SIK3: variants seen among roughly 807,000 people sequenced by gnomAD.
The protein encoded by SIK3 is SIK family kinase 3.
SIK3 carries 28 observed loss-of-function variants against 144.2 expected under a neutral mutation model. That is an observed-to-expected ratio of 0.19 (90% CI 0.14 to 0.27). The LOEUF (loss-of-function observed/expected upper bound fraction) is 0.27. Ranked by LOEUF, SIK3 falls within the 10% of genes least tolerant of loss-of-function variation. SIK3 has a pLI of 1.00. For synonymous variants in SIK3, 686 were observed against 676.3 expected, an observed-to-expected ratio of 1.01 and a Z score of -0.22; for missense variants, 1,319 against 1,776.0, an observed-to-expected ratio of 0.74 and a Z score of 4.62.
chr11:116,925,675 T>A (rs1947237485), intron 4 of SIK3, among the ~76,000 whole-genome samples: 1 of 152,230 alleles, frequency 6.6e-6, no homozygotes, highest in African/African-American at 2.4e-5. Context: ...TGAAGTTTAG[T>A]AGGTATTATT....
At chr11:117,050,935 A>G (rs1953209607) in intron 1 of SIK3, among the ~76,000 whole-genome samples, 1 of 152,154 alleles carries the variant, frequency 6.6e-6, no homozygotes, top group Admixed American at 6.5e-5. Flanking sequence ...TGTGATGGTT[A>G]ATTTTATGTG....
chr11:117,040,020 A>C (rs997400907), intron 1 of SIK3, among the ~76,000 whole-genome samples: 1 of 152,184 alleles, frequency 6.6e-6, no homozygotes, highest in African/African-American at 2.4e-5. Context: ...GCCCACCTGA[A>C]CTCTAGCTAA....
At chr11:116,938,446 G>A (rs1163995718) in intron 3 of SIK3, among the ~76,000 whole-genome samples, 1 of 9,400 alleles carries the variant, frequency 1.1e-4, no homozygotes, top group African/African-American at 4.0e-4. Context: ...GACGGGACGG[G>A]AGGGGAGGGG....
intron 3 of SIK3, among the ~76,000 whole-genome samples, chr11:116,933,352 G>T (rs995732597): frequency 1.3e-5 from 2 of 151,950 alleles, no homozygotes; most frequent in African/African-American, 4.8e-5. Flanking sequence ...TATTGGCCAG[G>T]CTGGTCTCAA....
At chr11:116,982,113 T>A (rs1390544171) in intron 1 of SIK3, among the ~76,000 whole-genome samples, 1 of 152,114 alleles carries the variant, frequency 6.6e-6, no homozygotes, top group Non-Finnish European at 1.5e-5. Context: ...TTTTTTCTAC[T>A]CATGCACTGA....
intron 1 of SIK3, among the ~76,000 whole-genome samples, chr11:116,992,526 T>C (rs920952223): frequency 6.6e-6 from 1 of 152,100 alleles, no homozygotes; most frequent in South Asian, 2.1e-4. Flanking sequence ...GATATGGCAA[T>C]TAGCACTACT....
At chr11:116,988,388 A>AG (rs1950394082) in intron 1 of SIK3, among the ~76,000 whole-genome samples, 1 of 151,266 alleles carries the variant, frequency 6.6e-6, no homozygotes, top group Non-Finnish European at 1.5e-5. Flanking sequence ...TCTGACTCAA[A>AG]AAAAAAGAAA....
At chr11:116,984,280 G>A (rs1950252318) in intron 1 of SIK3, among the ~76,000 whole-genome samples, 1 of 152,094 alleles carries the variant, frequency 6.6e-6, no homozygotes, top group Non-Finnish European at 1.5e-5. Flanking sequence ...CTATTAGTAG[G>A]CACTGGCAGT....
At chr11:116,851,931 A>G (rs1297754404) in intron 21 of SIK3, among the ~76,000 whole-genome samples, 1 of 152,140 alleles carries the variant, frequency 6.6e-6, no homozygotes, top group Non-Finnish European at 1.5e-5. Context: ...AAAAACCTAT[A>G]TTGTCTTCTT....
Position 116,867,190 on chromosome 11 carries a change from G to A in SIK3, c.1952+756C>T, listed in dbSNP as rs778701255. Among the ~76,000 whole-genome samples the A allele has an allele frequency of 3.3e-5, 5 of 152,184 alleles. No individual in the cohort carries two copies. The highest frequency in any genetic ancestry group is 4.8e-5 in the African/African-American group (2 of 41,440). Reference sequence around the variant, plus strand: ...CTAGTAACTGGTGGTGGCTTTGAACGTGTGGGCCATGAGCTTGGGGATAGC... The same window carrying A: ...CTAGTAACTGGTGGTGGCTTTGAACATGTGGGCCATGAGCTTGGGGATAGC... On this transcript the variant is annotated intron_variant, in intron 15 of 24. Coordinates refer to ENST00000445177, the MANE Select transcript of SIK3 (RefSeq NM_001366686.3). This position sits in a 1 kb window ranked among gnomAD's most constrained non-coding sequence, Gnocchi z 4.1.
chr11:116,850,145 C>T (rs1208492518), intron 21 of SIK3, among the ~76,000 whole-genome samples: 1 of 152,220 alleles, frequency 6.6e-6, no homozygotes, highest in Non-Finnish European at 1.5e-5. Context: ...CCCTTTGTTG[C>T]CAATCTCATG....
intron 9 of SIK3, 103 bp downstream of exon 9, chr11:116,875,763 A>C (rs1944218249): frequency 7.4e-7 from 1 of 1,354,340 alleles, no homozygotes; most frequent in African/African-American, 1.5e-5. Flanking sequence ...GACAGAGGTA[A>C]GGAAGAGCAA....
intron 1 of SIK3, among the ~76,000 whole-genome samples, chr11:117,005,637 T>C (rs138126671): frequency 2.1e-4 from 32 of 152,292 alleles, no homozygotes; most frequent in African/African-American, 7.2e-4. Flanking sequence ...TTAATTTACT[T>C]ATCTCTAAAA....
intron 4 of SIK3, among the ~76,000 whole-genome samples, chr11:116,919,892 T>C (rs1375609415): frequency 6.6e-6 from 1 of 152,198 alleles, no homozygotes; most frequent in African/African-American, 2.4e-5. Flanking sequence ...TTGAATTTGT[T>C]GCCGTTTTCT....
intron 1 of SIK3, among the ~76,000 whole-genome samples, chr11:117,051,207 G>A (rs1362641152): frequency 3.3e-5 from 5 of 152,070 alleles, no homozygotes; most frequent in Non-Finnish European, 5.9e-5. Context: ...CAAAGCTCCT[G>A]GTTCTTGGGT....
chr11:116,953,161 C>A (rs1385307034), intron 3 of SIK3, among the ~76,000 whole-genome samples: 2 of 152,076 alleles, frequency 1.3e-5, no homozygotes, highest in East Asian at 3.9e-4. Flanking sequence ...TAAGAAGATT[C>A]ATTTTAAAAG....
chr11:116,858,775 G>A lies in SIK3; in HGVS notation c.2766-76C>T. 6.6e-7 allele frequency: 1 copy of A among 1,507,424 alleles called. No homozygotes were observed. The highest frequency in any genetic ancestry group is 8.9e-7 in the Non-Finnish European group (1 of 1,129,354). The allele number at this position is 1,507,424 out of a possible 1,614,324, so 93.4% of individuals were successfully genotyped here. ...TCCTGGGAACAGCTCCTCCTCCTCA[G>A]TAGGGAGAACCCACTGGTACAGAGA... On this transcript the variant is annotated intron_variant, in intron 20 of 24. Coordinates refer to ENST00000445177, the MANE Select transcript of SIK3 (RefSeq NM_001366686.3). The surrounding 1 kb of genome is among the most constrained non-coding windows in gnomAD (Gnocchi z 5.4).
At chr11:116,845,817 T>C (rs752826255) in intron 24 of SIK3, among the ~76,000 whole-genome samples, 188 bp from the exon 25 acceptor site, 4 of 152,230 alleles carry the variant, frequency 2.6e-5, no homozygotes, top group African/African-American at 4.8e-5. Context: ...TGTCAAGGAT[T>C]TTCCAGATAC....
chr11:116,956,159 T>A (rs538310772), intron 2 of SIK3, among the ~76,000 whole-genome samples: 1 of 152,270 alleles, frequency 6.6e-6, no homozygotes, highest in South Asian at 2.1e-4. Context: ...CATTGCAATT[T>A]GAGAAGCATC....
Sources: allele counts gnomAD v4.1 joint callset (sites outside exome capture counted in the v4.1 genomes callset), GRCh38; gene constraint gnomAD v4.1.1; non-coding constraint Gnocchi (gnomAD v3.1); transcripts MANE v1.5; gene names NCBI Gene and HGNC (gene_info 2026-07-23, HGNC 2026-07-21).